PPP2CB: variants seen among roughly 807,000 people sequenced by gnomAD.
PPP2CB encodes the protein protein phosphatase 2 catalytic subunit beta.
PPP2CB carries 18 observed loss-of-function variants against 39.1 expected under a neutral mutation model. The observed-to-expected ratio is 0.46, with a 90% CI of 0.32 to 0.68. The LOEUF (loss-of-function observed/expected upper bound fraction) is 0.68. Among genes scored for constraint, PPP2CB ranks in the 30% least tolerant of loss-of-function variants. PPP2CB has a pLI of 0.04. For missense variants in PPP2CB, 226 were observed against 396.9 expected (o/e 0.57, Z 3.66); for synonymous variants, 129 against 133.8 (o/e 0.96, Z 0.25).
chr8:30,788,686 TCTG>T (rs1389232381), intron 6 of PPP2CB, among the ~76,000 whole-genome samples: 7 of 152,250 alleles, frequency 4.6e-5, no homozygotes, highest in Middle Eastern at 3.2e-3. Flanking sequence ...AGGAAAGTAT[TCTG>T]CTGTTGTTGG....
intron 1 of PPP2CB, among the ~76,000 whole-genome samples, chr8:30,811,936 G>A (rs571820373): frequency 1.1e-3 from 161 of 152,234 alleles, no homozygotes; most frequent in African/African-American, 3.6e-3. Flanking sequence ...GGTCCTTTTC[G>A]GACGTCGCTC....
chr8:30,812,668 C>A lies in PPP2CB; in HGVS notation c.-247G>T. 2.8e-6 allele frequency: 1 copy of A among 357,518 alleles called. No homozygotes were observed. The highest frequency in any genetic ancestry group is 5.1e-6 in the Non-Finnish European group (1 of 196,452). The allele number at this position is 357,518 out of a possible 1,614,324, so 22.1% of individuals were successfully genotyped here. On this transcript the variant is annotated 5_prime_UTR_variant, in exon 1 of 7. Coordinates refer to ENST00000221138, the MANE Select transcript of PPP2CB (RefSeq NM_001009552.2). ...GCCCGCCCTTCCCCGCCCGGCCGCG[C>A]GCCGCGGGAGTCGGTGAAGGACGCG...
At chr8:30,794,444 C>T in intron 3 of PPP2CB, 163 bp from the exon 4 acceptor site, 1 of 594,662 alleles carries the variant, frequency 1.7e-6, no homozygotes. Flanking sequence ...CAATGGTATC[C>T]CCATCCTTGG....
intron 1 of PPP2CB, among the ~76,000 whole-genome samples, chr8:30,802,512 G>A (rs1463195562): frequency 2.6e-5 from 4 of 151,948 alleles, no homozygotes; most frequent in African/African-American, 7.3e-5. Context: ...ACAGGGTCTC[G>A]CTCTGTTGCC....
chr8:30,799,846 G>GCGTT (rs1806591611), intron 1 of PPP2CB, 91 bp from the exon 2 acceptor site: 1 of 1,129,500 alleles, frequency 8.9e-7, no homozygotes, highest in African/African-American at 1.6e-5. Flanking sequence ...CACTTGAAAA[G>GCGTT]TGCCTTATAA....
At chr8:30,809,159 C>T (rs1205487635) in intron 1 of PPP2CB, among the ~76,000 whole-genome samples, 1 of 151,586 alleles carries the variant, frequency 6.6e-6, no homozygotes, top group Non-Finnish European at 1.5e-5. Context: ...AGTGATCTAC[C>T]TGCATCGGCC....
intron 3 of PPP2CB, among the ~76,000 whole-genome samples, chr8:30,795,764 T>A (rs889413972): frequency 1.3e-5 from 2 of 152,246 alleles, no homozygotes; most frequent in Non-Finnish European, 2.9e-5. Context: ...CCAATTTTAA[T>A]AACTGGTATT....
chr8:30,791,975 T>TATAC (rs1806442921), intron 5 of PPP2CB, among the ~76,000 whole-genome samples: 2 of 88,338 alleles, frequency 2.3e-5, no homozygotes, highest in African/African-American at 1.8e-4. Context: ...CGTGTGTATA[T>TATAC]GTGTATATAT....
intron 1 of PPP2CB, among the ~76,000 whole-genome samples, chr8:30,810,640 T>A (rs1251749776): frequency 1.3e-5 from 2 of 152,060 alleles, no homozygotes; most frequent in African/African-American, 4.8e-5. Context: ...TTAAGACTCA[T>A]GAAATTACAG....
chr8:30,793,789 A>G (rs1806477671), intron 5 of PPP2CB, 128 bp downstream of exon 5: 1 of 1,109,330 alleles, frequency 9.0e-7, no homozygotes, highest in South Asian at 2.2e-5. Context: ...TGCTAAAACC[A>G]GCAAGTTTTT....
rs145226188 is a variant in PPP2CB, at chr8:30,805,626, T to C, written c.103-5871A>G. 3.0e-4 allele frequency among the ~76,000 whole-genome samples: 45 copies of C among 152,298 alleles called. 1 individual carries two copies. In the East Asian group the frequency reaches 7.3e-3, roughly 25 times the overall value. On this transcript the variant is annotated intron_variant, in intron 1 of 6. Transcript: ENST00000221138. ...TACAGCCTACACACCGTATCCTGCA[T>C]ATTAAAAAAAATCCAACTATGCTAA...
chr8:30,807,531 C>G (rs890748161), intron 1 of PPP2CB, among the ~76,000 whole-genome samples: 1 of 152,160 alleles, frequency 6.6e-6, no homozygotes. Context: ...ACACAAGCCT[C>G]GACATTTTTC....
At chr8:30,812,276 G>C in intron 1 of PPP2CB, 44 bp downstream of exon 1, 2 of 1,407,684 alleles carry the variant, frequency 1.4e-6, no homozygotes, top group Non-Finnish European at 1.9e-6. Flanking sequence ...GCGGCGGCCC[G>C]TCCCAGCCCC....
chr8:30,786,575 GC>G, intron 6 of PPP2CB: 1 of 203,284 alleles, frequency 4.9e-6, no homozygotes, highest in Non-Finnish European at 9.5e-6. Flanking sequence ...TTATTTAAAA[GC>G]TTAAATAATT....
At position 30,786,280 on chromosome 8, in the gene PPP2CB, A is replaced by G; in HGVS notation, c.885T>C (p.Arg295=). Residue 295 remains arginine, a synonymous_variant, in exon 7 of 7, where the codon CGT becomes CGC. Transcript: ENST00000221138. ...TGCGCCGTGTAACATGAGGCTCACC[A>G]CGACGAGGCGCTGGGTCAAATTGAA... ...SFLQFDPAPR[R]GEPHVTRRTP... The G allele has an allele frequency of 6.3e-7, 1 of 1,579,578 alleles. No homozygotes were observed. The highest frequency in any genetic ancestry group is 8.6e-7 in the Non-Finnish European group (1 of 1,162,168).
chr8:30,812,712 C>T lies in PPP2CB; in HGVS notation c.-291G>A, dbSNP rs2128763550. 2.2e-6 allele frequency: 1 copy of T among 447,258 alleles called. No individual in the cohort carries two copies. The highest frequency in any genetic ancestry group is 4.3e-6 in the Non-Finnish European group (1 of 231,432). 27.7% of individuals were successfully genotyped at this position (447,258 alleles called of 1,614,324 possible). A position where few individuals can be genotyped will look rare whatever the true frequency, so the allele number is the denominator to read the frequency against. On this transcript the variant is annotated 5_prime_UTR_variant, in exon 1 of 7. Transcript: ENST00000221138. ...GGACGCGGTGAGGTGCCGGGGAGCG[C>T]GGCGCGGGTCCTCGGCCTAGCTCTC...
At chr8:30,791,864 GTATATA>G (rs200149486) in intron 5 of PPP2CB, among the ~76,000 whole-genome samples, 3 of 151,312 alleles carry the variant, frequency 2.0e-5, no homozygotes, top group Non-Finnish European at 4.4e-5. Context: ...GTGTATATAT[GTATATA>G]TGTGTGTGCA....
chr8:30,804,732 C>T (rs969274349), intron 1 of PPP2CB, among the ~76,000 whole-genome samples: 1 of 152,074 alleles, frequency 6.6e-6, no homozygotes, highest in Non-Finnish European at 1.5e-5. Context: ...TATTTTTTGT[C>T]TGCTGTTCTG....
intron 1 of PPP2CB, 35 bp downstream of exon 1, chr8:30,812,285 C>A (rs554267209): frequency 1.7e-5 from 25 of 1,457,278 alleles, no homozygotes; most frequent in Non-Finnish European, 2.3e-5. Flanking sequence ...CGTCCCAGCC[C>A]CGCGCTCCCG....
Sources: gnomAD v4.1 joint callset for allele counts (sites outside exome capture counted in the v4.1 genomes callset) on GRCh38, gnomAD v4.1.1 for gene constraint, MANE v1.5 for transcripts, NCBI Gene and HGNC (gene_info 2026-07-23, HGNC 2026-07-21) for gene names.